Variants in GRXCR2 observed in about 807,000 individuals in gnomAD.
GRXCR2 encodes the protein glutaredoxin and cysteine rich domain containing 2.
Under a neutral mutation model 24.8 loss-of-function variants are expected in GRXCR2, and 23 were observed. The ratio of observed to expected loss-of-function variants is 0.93; its 90% confidence interval spans 0.67 to 1.32. GRXCR2 has a LOEUF of 1.32. Among genes scored for constraint, GRXCR2 ranks in the 40% most tolerant of loss-of-function variants. The pLI is 0.00. For missense variants in GRXCR2, 315 were observed against 303.4 expected (o/e 1.04, Z -0.28); for synonymous variants, 130 against 116.1 (o/e 1.12, Z -0.77).
At chr5:145,891,247 T>C (rs554587825) in intron 2 of GRXCR2, among the ~76,000 whole-genome samples, 12 of 152,062 alleles carry the variant, frequency 7.9e-5, no homozygotes, top group Admixed American at 6.6e-5. Context: ...CCAACTGAGG[T>C]ACCAGGTTCA....
chr5:145,901,452 G>A (rs1264412778), intron 2 of GRXCR2, among the ~76,000 whole-genome samples: 1 of 152,226 alleles, frequency 6.6e-6, no homozygotes, highest in East Asian at 1.9e-4. Context: ...CCTACTATGT[G>A]CTTGACACAA....
intron 2 of GRXCR2, among the ~76,000 whole-genome samples, chr5:145,886,853 T>C (rs1472488155): frequency 6.6e-6 from 1 of 152,210 alleles, no homozygotes; most frequent in Non-Finnish European, 1.5e-5. Flanking sequence ...AAGATATTCA[T>C]TAGCTATTTT....
At chr5:145,877,916 A>G (rs185887833), upstream of GRXCR2, among the ~76,000 whole-genome samples, 3 of 152,272 alleles carry the variant, frequency 2.0e-5, no homozygotes, top group Admixed American at 1.3e-4. Context: ...TCTGGAGTGG[A>G]CCTCCAGCAA....
chr5:145,872,697 C>G lies in GRXCR2; in HGVS notation c.272G>C (p.Gly91Ala). The change falls in exon 1 of 3, where the codon GGT becomes GCT. Residue 91 changes from glycine (G) to alanine (A), a missense_variant. Physicochemically the swap from Gly to Ala is moderately conservative, Grantham distance 60. Transcript: ENST00000377976. ...TAQRISVFRE[G>A]NAYTLAGGQP... is the part of the protein sequence containing the mutation. The stretch of plus-strand genomic sequence containing the variant: ...GCCGCCTGCCAAGGTGTAGGCATTA[C>G]CCTCTCTAAACACACTGATCCTCTG... The G allele has an allele frequency of 1.9e-6, 3 of 1,613,568 alleles. No individual in the cohort carries two copies. Among genetic ancestry groups the G allele is most frequent in the Non-Finnish European group, 2.5e-6 (3 of 1,179,550 alleles).
chr5:145,859,672 C>T lies in GRXCR2; in HGVS notation c.*61G>A, dbSNP rs552571707. 1.2e-4 allele frequency: 187 copies of T among 1,507,438 alleles called. 2 individuals are homozygous for T. Among genetic ancestry groups the T allele is most frequent in the African/African-American group, 1.1e-3 (78 of 72,880 alleles). The allele number at this position is 1,507,438 out of a possible 1,614,324, so 93.4% of individuals were successfully genotyped here. A position where few individuals can be genotyped will look rare whatever the true frequency, so the allele number is the denominator to read the frequency against. ...GAGAGGCAGGAGGAGGAGAAGGGGG[C>T]GGTTTATTAGAAATAACTTTAGGGA... On this transcript the variant is annotated 3_prime_UTR_variant, in exon 3 of 3. Transcript: ENST00000377976.
At position 145,888,587 on chromosome 5, in the gene GRXCR2, T is replaced by C. The variant is rs1359684473; in HGVS notation, c.-69-21859A>G. Among the ~76,000 whole-genome samples, 4 of 152,184 alleles carry C rather than the reference T, an allele frequency of 2.6e-5. No individual in the cohort carries two copies. The East Asian group carries it at 7.7e-4, about 29-fold the overall frequency. On this transcript the variant is annotated intron_variant, in intron 2 of 3. Coordinates refer to the GRXCR2 transcript ENST00000639411. ...TTTACACCAGCTTAGAAAATCTACA[T>C]AAAAATATAAAAGTAATACACGAAT...
chr5:145,887,140 G>A (rs968898055), intron 2 of GRXCR2, among the ~76,000 whole-genome samples: 3 of 152,112 alleles, frequency 2.0e-5, no homozygotes, highest in African/African-American at 7.2e-5. Flanking sequence ...CTGTTGTCCA[G>A]GCTGGAGTGC....
intron 2 of GRXCR2, among the ~76,000 whole-genome samples, chr5:145,927,523 G>A (rs570873058): frequency 6.6e-6 from 1 of 152,104 alleles, no homozygotes; most frequent in African/African-American, 2.4e-5. Flanking sequence ...TTATATGCTG[G>A]ATTACGTTTA....
At position 145,859,690 on chromosome 5, in the gene GRXCR2, T is replaced by C. The variant is rs1031626178; in HGVS notation, c.*43A>G. ...AAGGGGGCGGTTTATTAGAAATAAC[T>C]TTAGGGAGGGTAAGATAACAGTGGA... On this transcript the variant is annotated 3_prime_UTR_variant, in exon 3 of 3. Coordinates refer to ENST00000377976, the MANE Select transcript of GRXCR2 (RefSeq NM_001080516.2). The C allele has an allele frequency of 1.3e-6, 2 of 1,597,386 alleles. No individual in the cohort carries two copies. The highest frequency in any genetic ancestry group is 1.7e-6 in the Non-Finnish European group (2 of 1,165,132).
Position 145,887,877 on chromosome 5 carries a change from C to T in GRXCR2, c.-69-21149G>A, listed in dbSNP as rs371800523. On this transcript the variant is annotated intron_variant, in intron 2 of 3. Transcript: ENST00000639411. ...CAATCACAGGGATCCTAGACATACA[C>T]AGAGTGCCTATTTTACAATAACTTC... Among the ~76,000 whole-genome samples the T allele has an allele frequency of 5.7e-4, 87 of 152,322 alleles. 3 individuals carry two copies. In the South Asian group the frequency reaches 0.017, roughly 30 times the overall value.
chr5:145,910,071 T>C (rs1339067510), intron 2 of GRXCR2, among the ~76,000 whole-genome samples: 2 of 152,220 alleles, frequency 1.3e-5, no homozygotes, highest in African/African-American at 4.8e-5. Context: ...AGTCATATTG[T>C]ACATCGAAGT....
chr5:145,923,410 C>T (rs1224314059), intron 2 of GRXCR2, among the ~76,000 whole-genome samples: 2 of 152,078 alleles, frequency 1.3e-5, no homozygotes, highest in African/African-American at 2.4e-5. Flanking sequence ...TTTGTTGTCT[C>T]GAAATGAAAA....
At chr5:145,906,061 T>A (rs753242120) in intron 2 of GRXCR2, among the ~76,000 whole-genome samples, 4 of 152,172 alleles carry the variant, frequency 2.6e-5, no homozygotes, top group Non-Finnish European at 4.4e-5. Flanking sequence ...CACAAGATCA[T>A]AACCATATTT....
rs1291817683 is a variant in GRXCR2 at position 145,866,697 on chromosome 5, A to G, written c.368T>C (p.Ile123Thr). 6.2e-7 allele frequency: 1 copy of G among 1,612,264 alleles called. No individual in the cohort carries two copies. The highest frequency in any genetic ancestry group is 1.3e-5 in the African/African-American group (1 of 74,882). ...PLPIIDFGKI[I>T]IYTNNLKIIR... is the part of the protein sequence containing the mutation. ...GATTTTCAGGTTATTAGTGTAGATG[A>G]TTATCTTTCCAAAATCTATAATAGG... is the stretch of plus-strand genomic sequence containing the variant. Residue 123 changes from isoleucine to threonine, a missense_variant, in exon 2 of 3, where the codon ATC (isoleucine) becomes ACC (threonine). Coordinates refer to ENST00000377976, the MANE Select transcript of GRXCR2 (RefSeq NM_001080516.2).
chr5:145,879,899 C>T (rs938705765), intron 2 of GRXCR2, among the ~76,000 whole-genome samples: 5 of 152,168 alleles, frequency 3.3e-5, no homozygotes, highest in African/African-American at 1.2e-4. Flanking sequence ...TCACTCAAAA[C>T]CGCACAACTA....
chr5:145,929,157 T>G (rs1178920317), intron 2 of GRXCR2, among the ~76,000 whole-genome samples: 2 of 147,232 alleles, frequency 1.4e-5, no homozygotes, highest in Non-Finnish European at 3.0e-5. Context: ...TCATTAAATA[T>G]GCATCTCCTT....
intron 2 of GRXCR2, among the ~76,000 whole-genome samples, chr5:145,904,209 C>T (rs1325034874): frequency 2.0e-5 from 3 of 152,116 alleles, no homozygotes; most frequent in African/African-American, 4.8e-5. Context: ...AGGGCAGACA[C>T]TAGGAAACAC....
At chr5:145,914,515 A>C (rs1667918813) in intron 2 of GRXCR2, among the ~76,000 whole-genome samples, 1 of 151,858 alleles carries the variant, frequency 6.6e-6, no homozygotes, top group Non-Finnish European at 1.5e-5. Flanking sequence ...GGCTCTACTA[A>C]AAATACAAAA....
In GRXCR2 at chr5:145,919,691, G is replaced by C. The variant is rs149107015; in HGVS notation, c.-70+16010C>G. 6.3e-3 allele frequency among the ~76,000 whole-genome samples: 958 copies of C among 152,238 alleles called. 8 individuals carry two copies. Among genetic ancestry groups the C allele is most frequent in the African/African-American group, 0.022 (919 of 41,524 alleles). ...ATCATTAGGTGACAGAGGTGTCACC[G>C]TGCCCCTTATCTTTGTCATCCGCCT... On this transcript the variant is annotated intron_variant, in intron 2 of 3. Transcript: ENST00000639411.
Sources: gnomAD v4.1 joint callset for allele counts (sites outside exome capture counted in the v4.1 genomes callset) on GRCh38, gnomAD v4.1.1 for gene constraint, MANE v1.5 for transcripts, NCBI Gene and HGNC (gene_info 2026-07-23, HGNC 2026-07-21) for gene names.